The following BTNL9 variants were observed in gnomAD, a reference collection of about 807,000 sequenced individuals.
BTNL9 encodes the protein butyrophilin like 9.
Under a neutral mutation model 45.8 loss-of-function variants are expected in BTNL9, and 45 were observed. The observed-to-expected ratio is 0.98, with a 90% CI of 0.77 to 1.26. The LOEUF is 1.26. BTNL9 is among the 50% of genes most tolerant of loss of function. BTNL9 has a pLI of 0.00. For synonymous variants in BTNL9, 346 were observed against 330.8 expected (o/e 1.05, Z -0.50); for missense variants, 784 against 729.7 (o/e 1.07, Z -0.86).
Position 181,053,985 on chromosome 5 carries a change from C to A in BTNL9, c.887-254C>A. 2 of 1,534,196 alleles carry A rather than the reference C, an allele frequency of 1.3e-6. No homozygotes were observed. Among genetic ancestry groups the A allele is most frequent in the Non-Finnish European group, 1.7e-6 (2 of 1,144,308 alleles). On this transcript the variant is annotated intron_variant, in intron 6 of 10. Coordinates refer to ENST00000327705, the MANE Select transcript of BTNL9 (RefSeq NM_152547.5). The surrounding 1 kb of genome is among the most constrained non-coding windows in gnomAD (Gnocchi z 6.5). ...AGCTAATAGATTTGGGAGGCTCCGA[C>A]CCTGATTTTCACACTAGCAGGAGGG...
intron 6 of BTNL9, 140 bp from the exon 7 acceptor site, chr5:181,054,099 C>T: frequency 1.3e-6 from 2 of 1,553,492 alleles, no homozygotes; most frequent in Non-Finnish European, 1.7e-6. Context: ...CCAGCCCAGC[C>T]TGGGCCCGCA....
At chr5:181,044,046 T>C (rs1441599536) in intron 1 of BTNL9, among the ~76,000 whole-genome samples, 1 of 152,244 alleles carries the variant, frequency 6.6e-6, no homozygotes, top group African/African-American at 2.4e-5. Flanking sequence ...TGTCCTCTGT[T>C]TGTCCCCTCA....
chr5:181,059,320 C>T lies in BTNL9; in HGVS notation c.1066C>T (p.Pro356Ser). ...CAAGAGCGTGTCTTCCCGCGGGGCG[C>T]CGCCAGGCCCGGCGCCTGGCCACCC... is the stretch of plus-strand genomic sequence containing the variant. ...DGKSVSSRGA[P>S]PGPAPGHPQR... is the part of the protein sequence containing the mutation. Residue 356 changes from proline (P) to serine (S), a missense_variant, in exon 11 of 11, where the codon CCG (proline) becomes TCG (serine). Pro to Ser is a moderately conservative substitution (Grantham distance 74). Transcript: ENST00000327705. 6.4e-7 allele frequency: 1 copy of T among 1,554,174 alleles called. No individual in the cohort carries two copies. The highest frequency in any genetic ancestry group is 1.4e-5 in the African/African-American group (1 of 73,644).
Position 181,053,125 on chromosome 5 carries a change from C to G in BTNL9, c.737-75C>G. On this transcript the variant is annotated intron_variant, in intron 4 of 10. Transcript: ENST00000327705. This position sits in a 1 kb window ranked among gnomAD's most constrained non-coding sequence, Gnocchi z 6.5. ...GTCCCGCGGGAGGTTTCCCGGCACGCGGCGGGCAGGCCGGTCTCGCCTCTC... is the reference window on the plus strand; with the variant it reads ...GTCCCGCGGGAGGTTTCCCGGCACGGGGCGGGCAGGCCGGTCTCGCCTCTC... 3 of 1,288,162 alleles carry G rather than the reference C, an allele frequency of 2.3e-6. No homozygotes were observed. Among genetic ancestry groups the G allele is most frequent in the East Asian group, 6.2e-5 (2 of 32,388 alleles). 79.8% of individuals were successfully genotyped at this position (1,288,162 alleles called of 1,614,324 possible).
chr5:181,045,943 C>G, intron 2 of BTNL9, among the ~76,000 whole-genome samples: 1 of 62,732 alleles, frequency 1.6e-5, no homozygotes, highest in Non-Finnish European at 3.5e-5. Context: ...ACCATCTCCC[C>G]AGCCTCCAAC....
chr5:181,054,369 A>T lies in BTNL9; in HGVS notation c.907+110A>T. 16 of 1,551,176 alleles carry T rather than the reference A, an allele frequency of 1.0e-5. No homozygotes were observed. The South Asian group carries it at 1.1e-4, about 11-fold the overall frequency. ...GCGGCTGGCAACTATCTAATTCTAA[A>T]CCATCCCTGTGAGCCTCCACCTCTT... is the stretch of plus-strand genomic sequence containing the variant. On this transcript the variant is annotated intron_variant, in intron 7 of 10. Coordinates refer to ENST00000327705, the MANE Select transcript of BTNL9 (RefSeq NM_152547.5).
rs1582158283 is a variant in BTNL9 at position 181,060,898 on chromosome 5, T to G, written c.*1036T>G. 6.6e-6 allele frequency: 1 copy of G among 152,196 alleles called. No individual in the cohort carries two copies. The highest frequency in any genetic ancestry group is 2.4e-5 in the African/African-American group (1 of 41,408). The allele number at this position is 152,196 out of a possible 1,614,324, so 9.4% of individuals were successfully genotyped here. A position where few individuals can be genotyped will look rare whatever the true frequency, so the allele number is the denominator to read the frequency against. ...GCCAGGCTGGAGTGCAGCCTCAACC[T>G]CCTGGGTCCAAGTGATCCTCCCACC... On this transcript the variant is annotated 3_prime_UTR_variant, in exon 11 of 11. Transcript: ENST00000327705.
chr5:181,058,814 T>TA (rs200022713), intron 10 of BTNL9, among the ~76,000 whole-genome samples: 6,463 of 134,946 alleles, frequency 0.048, 259 homozygotes, highest in African/African-American at 0.1. Flanking sequence ...GGACTGTATG[T>TA]AAAAAAAAAA....
In BTNL9 at chr5:181,060,944, C is replaced by CCGCT. The variant is rs111637700; in HGVS notation, c.*1082_*1083insCGCT. The CCGCT allele has an allele frequency of 2.0e-5, 3 of 151,784 alleles. No homozygotes were observed. Among genetic ancestry groups the CCGCT allele is most frequent in the Admixed American group, 1.3e-4 (2 of 15,252 alleles). 9.4% of individuals were successfully genotyped at this position (151,784 alleles called of 1,614,324 possible). A position where few individuals can be genotyped will look rare whatever the true frequency, so the allele number is the denominator to read the frequency against. ...CCACCTCAGCACACAACACCATGCC[C>CCGCT]AATTTTAAGTGCGTTATAGAGACGG... On this transcript the variant is annotated 3_prime_UTR_variant, in exon 11 of 11. Transcript: ENST00000327705.
intron 10 of BTNL9, 33 bp downstream of exon 10, chr5:181,058,411 G>T (rs201301386): frequency 1.2e-6 from 2 of 1,614,030 alleles, no homozygotes; most frequent in Non-Finnish European, 8.5e-7. Context: ...TTTGTGTTTT[G>T]GTTTGGCCGG....
Position 181,053,333 on chromosome 5 carries a change from C to T in BTNL9, c.853+17C>T, listed in dbSNP as rs753983857. 2.0e-5 allele frequency: 30 copies of T among 1,531,274 alleles called. No individual in the cohort carries two copies. The highest frequency in any genetic ancestry group is 2.5e-5 in the Non-Finnish European group (29 of 1,139,752). 94.9% of individuals were successfully genotyped at this position (1,531,274 alleles called of 1,614,324 possible). On this transcript the variant is annotated intron_variant, in intron 5 of 10. Coordinates refer to ENST00000327705, the MANE Select transcript of BTNL9 (RefSeq NM_152547.5). The surrounding 1 kb of genome is among the most constrained non-coding windows in gnomAD (Gnocchi z 6.5). ...GAAGCCGAGGTACCGGCGCGGGCGG[C>T]GGGGCGGGGAGGGGCACCGGCCGGT...
At chr5:181,045,711 A>G in intron 2 of BTNL9, 113 bp downstream of exon 2, 1 of 813,674 alleles carries the variant, frequency 1.2e-6, no homozygotes, top group African/African-American at 1.7e-5. Flanking sequence ...GCTAAAATAC[A>G]AAAAAGACTT....
chr5:181,059,838 G>A lies in BTNL9; in HGVS notation c.1584G>A (p.Ala528=), dbSNP rs1762083276. The change falls in exon 11 of 11, where the codon GCG becomes GCA. Residue 528 remains alanine, a synonymous_variant. Coordinates refer to ENST00000327705, the MANE Select transcript of BTNL9 (RefSeq NM_152547.5). ...CCTGGCTACAGCCCTATGAGCCCGC[G>A]GACCCCGCCCTGGACTGGTGGTGAG... ...SDTWLQPYEP[A]DPALDWW is the part of the protein sequence containing the mutation. The A allele has an allele frequency of 6.3e-7, 1 of 1,587,268 alleles. No individual in the cohort carries two copies. The highest frequency in any genetic ancestry group is 8.5e-7 in the Non-Finnish European group (1 of 1,172,984).
intron 10 of BTNL9, 88 bp from the exon 11 acceptor site, chr5:181,059,149 G>A: frequency 7.1e-7 from 1 of 1,408,360 alleles, no homozygotes; most frequent in Non-Finnish European, 9.2e-7. Context: ...ATTCCACCAA[G>A]AGAAACGAGA....
chr5:181,041,906 C>T (rs771887573), intron 1 of BTNL9, among the ~76,000 whole-genome samples: 18 of 151,996 alleles, frequency 1.2e-4, no homozygotes, highest in Non-Finnish European at 1.9e-4. Context: ...GACATCTGTC[C>T]CACTGCATTT....
chr5:181,053,848 G>A lies in BTNL9; in HGVS notation c.886+347G>A. ...CTCGTCCAGGTTTTCATAGCGCACA[G>A]GGAGTCGGGCGGATGCGCAACATCT... is the stretch of plus-strand genomic sequence containing the variant. On this transcript the variant is annotated intron_variant, in intron 6 of 10. Coordinates refer to ENST00000327705, the MANE Select transcript of BTNL9 (RefSeq NM_152547.5). The surrounding 1 kb of genome is among the most constrained non-coding windows in gnomAD (Gnocchi z 6.5). The A allele has an allele frequency of 1.3e-6, 2 of 1,509,270 alleles. No homozygotes were observed. The highest frequency in any genetic ancestry group is 2.4e-5 in the South Asian group (2 of 82,978). The allele number at this position is 1,509,270 out of a possible 1,614,324, so 93.5% of individuals were successfully genotyped here.
In BTNL9 at chr5:181,053,287, G is replaced by A; in HGVS notation, c.824G>A (p.Gly275Asp). Residue 275 changes from glycine (G) to aspartate (D), a missense_variant, in exon 5 of 11, where the codon GGC (glycine) becomes GAC (aspartate). Transcript: ENST00000327705. The surrounding 1 kb of genome is among the most constrained non-coding windows in gnomAD (Gnocchi z 6.5). ...LLLVLAALAL[G>D]VLRKQRRSRE... ...TTGGTCCTCGCGGCGCTGGCGCTGG[G>A]CGTCCTCCGGAAGCAGCGGAGAAGC... 4 of 1,581,274 alleles carry A rather than the reference G, an allele frequency of 2.5e-6. No homozygotes were observed. The highest frequency in any genetic ancestry group is 3.4e-6 in the Non-Finnish European group (4 of 1,165,562).
rs1456302111 is a variant in BTNL9, at chr5:181,059,852, A to G, written c.1598A>G (p.Asp533Gly). ...QPYEPADPALDWW is the reference protein window; with the variant it reads ...QPYEPADPALGWW ...TATGAGCCCGCGGACCCCGCCCTGG[A>G]CTGGTGGTGAGGCGCCCTCGTGGCC... Residue 533 changes from aspartate to glycine, a missense_variant, in exon 11 of 11, where the codon GAC (aspartate) becomes GGC (glycine). Asp to Gly is a moderately conservative substitution (Grantham distance 94). Transcript: ENST00000327705. 6.4e-7 allele frequency: 1 copy of G among 1,568,772 alleles called. No homozygotes were observed. The highest frequency in any genetic ancestry group is 8.6e-7 in the Non-Finnish European group (1 of 1,162,698).
rs1761297104 is a variant in BTNL9, at chr5:181,048,274, G to A, written c.454+3G>A. ...TCTCTGGGAACTGGAGGTAGCAGGT[G>A]CGTGGACTGACCTAAGGCCCTGCAG... On this transcript the variant is annotated splice_donor_region_variant and intron_variant, in intron 3 of 10. Transcript: ENST00000327705. 1 of 1,605,874 alleles carries A rather than the reference G, an allele frequency of 6.2e-7. No individual in the cohort carries two copies. Among genetic ancestry groups the A allele is most frequent in the Non-Finnish European group, 8.5e-7 (1 of 1,174,658 alleles).
Sources: gnomAD v4.1 joint callset for allele counts (sites outside exome capture counted in the v4.1 genomes callset) on GRCh38, gnomAD v4.1.1 for gene constraint, Gnocchi (gnomAD v3.1) non-coding constraint, MANE v1.5 for transcripts, NCBI Gene and HGNC (gene_info 2026-07-23, HGNC 2026-07-21) for gene names.